ROBO1: variants seen among roughly 807,000 people sequenced by gnomAD.
The protein encoded by ROBO1 is roundabout homolog 1.
A neutral mutation model predicts 195.9 loss-of-function variants in ROBO1; 149 were observed. That is an observed-to-expected ratio of 0.76 (90% CI 0.67 to 0.87). The LOEUF (loss-of-function observed/expected upper bound fraction) is 0.87, where lower values mean the gene tolerates loss of function less well. Ranked by LOEUF, ROBO1 falls within the 40% of genes least tolerant of loss-of-function variation. The probability of loss-of-function intolerance (pLI) is 0.00; values close to 1 mark genes in which losing one functional copy is unlikely to be tolerated. For synonymous variants in ROBO1, 816 were observed against 733.2 expected, an observed-to-expected ratio of 1.11 and a Z score of -1.82; for missense variants, 1,933 against 2,068.3, an observed-to-expected ratio of 0.93 and a Z score of 1.27.
At chr3:79,126,175 C>A (rs1372626510) in intron 2 of ROBO1, among the ~76,000 whole-genome samples, 2 of 152,152 alleles carry the variant, frequency 1.3e-5, no homozygotes, top group Non-Finnish European at 2.9e-5. Context: ...GCAATGAATG[C>A]ATGACTGAAA....
intron 2 of ROBO1, among the ~76,000 whole-genome samples, chr3:79,474,178 A>G (rs967912301): frequency 6.6e-6 from 1 of 152,140 alleles, no homozygotes. Context: ...CCATTTAGAT[A>G]TCTGTAGTAA....
At chr3:79,641,257 A>G (rs1325201209) in intron 1 of ROBO1, among the ~76,000 whole-genome samples, 1 of 152,178 alleles carries the variant, frequency 6.6e-6, no homozygotes, top group African/African-American at 2.4e-5. Context: ...TTACTAATCA[A>G]AATCTGATTT....
chr3:78,948,122 T>G (rs897628572), intron 3 of ROBO1, among the ~76,000 whole-genome samples: 24 of 152,168 alleles, frequency 1.6e-4, no homozygotes, highest in Middle Eastern at 3.4e-3. Context: ...CATTCCTTCT[T>G]AAACTATTCC....
chr3:78,783,541 A>G (rs1334276451), intron 4 of ROBO1, among the ~76,000 whole-genome samples: 1 of 152,146 alleles, frequency 6.6e-6, no homozygotes. Context: ...AGATTCTAAA[A>G]CGCTATTTTA....
intron 1 of ROBO1, among the ~76,000 whole-genome samples, chr3:79,680,977 G>A (rs1264380615): frequency 6.6e-6 from 1 of 151,926 alleles, no homozygotes; most frequent in Non-Finnish European, 1.5e-5. Context: ...CTGGAACATA[G>A]TGATTGAGTG....
intron 9 of ROBO1, among the ~76,000 whole-genome samples, chr3:78,687,619 C>T (rs111273063): frequency 6.6e-6 from 1 of 151,976 alleles, no homozygotes; most frequent in South Asian, 2.1e-4. Flanking sequence ...ACAAGGGAAA[C>T]GTTCTGTTTT....
At chr3:78,757,260 A>G (rs1201420012) in intron 4 of ROBO1, among the ~76,000 whole-genome samples, 1 of 152,202 alleles carries the variant, frequency 6.6e-6, no homozygotes, top group Non-Finnish European at 1.5e-5. Flanking sequence ...GCAAATGAGG[A>G]CACATAGGTG....
At chr3:78,962,260 T>C (rs1392000122) in intron 3 of ROBO1, among the ~76,000 whole-genome samples, 1 of 152,206 alleles carries the variant, frequency 6.6e-6, no homozygotes, top group Non-Finnish European at 1.5e-5. Flanking sequence ...AAAGTGCCTG[T>C]GAATCTTGAA....
intron 3 of ROBO1, among the ~76,000 whole-genome samples, chr3:79,098,560 A>G (rs1204408686): frequency 3.3e-5 from 5 of 151,842 alleles, no homozygotes; most frequent in African/African-American, 1.2e-4. Flanking sequence ...GCATTTACTG[A>G]ATCTAGATGA....
intron 4 of ROBO1, among the ~76,000 whole-genome samples, chr3:78,844,158 C>T (rs1229458463): frequency 6.6e-6 from 1 of 152,004 alleles, no homozygotes; most frequent in Non-Finnish European, 1.5e-5. Flanking sequence ...TTAAAATTTG[C>T]TTTGTACCCT....
intron 4 of ROBO1, among the ~76,000 whole-genome samples, chr3:78,910,882 A>G (rs145268803): frequency 1.2e-4 from 19 of 152,120 alleles, no homozygotes; most frequent in African/African-American, 4.3e-4. Flanking sequence ...CATGGGCAAT[A>G]CTTGGGAACT....
At chr3:79,017,482 T>TGTGC (rs2077977567) in intron 3 of ROBO1, among the ~76,000 whole-genome samples, 1 of 151,494 alleles carries the variant, frequency 6.6e-6, no homozygotes, top group Admixed American at 6.6e-5. Context: ...TGTGTGTGTG[T>TGTGC]GTGTGTGTGT....
At chr3:79,543,950 A>G (rs754482900) in intron 2 of ROBO1, among the ~76,000 whole-genome samples, 5 of 152,098 alleles carry the variant, frequency 3.3e-5, no homozygotes, top group Admixed American at 3.3e-4. Flanking sequence ...AATAAGCAAA[A>G]ATGTTTAGAC....
At position 79,607,016 on chromosome 3, in the gene ROBO1, G is replaced by A. The variant is rs563392311; in HGVS notation, c.-50-17055C>T. ...CCTTACTGAGATTTCCGATAGCAAT[G>A]TCCTTAACCTATAATTAAGCATAAT... On this transcript the variant is annotated intron_variant, in intron 1 of 30. Coordinates refer to ENST00000464233, the MANE Select transcript of ROBO1 (RefSeq NM_002941.4). Among the ~76,000 whole-genome samples the A allele has an allele frequency of 5.3e-5, 8 of 151,080 alleles. No individual in the cohort carries two copies. In the Admixed American group the frequency reaches 5.3e-4, roughly 10 times the overall value.
At chr3:79,470,544 G>C (rs1007265527) in intron 2 of ROBO1, among the ~76,000 whole-genome samples, 1 of 152,142 alleles carries the variant, frequency 6.6e-6, no homozygotes, top group Admixed American at 6.6e-5. Context: ...TAAGGGAATT[G>C]ATGTGGTTAG....
chr3:79,190,103 C>T (rs1576793058), intron 2 of ROBO1, among the ~76,000 whole-genome samples: 1 of 151,736 alleles, frequency 6.6e-6, no homozygotes, highest in African/African-American at 2.4e-5. Context: ...GCATCTGTAA[C>T]ATTTCTAATG....
intron 8 of ROBO1, among the ~76,000 whole-genome samples, chr3:78,705,505 A>G (rs1479980895): frequency 6.6e-6 from 1 of 152,214 alleles, no homozygotes; most frequent in African/African-American, 2.4e-5. Flanking sequence ...ACTGGTGTGT[A>G]TCAGGATGAG....
chr3:78,749,753 A>T (rs1008955106), intron 4 of ROBO1, among the ~76,000 whole-genome samples: 2 of 152,166 alleles, frequency 1.3e-5, no homozygotes, highest in Admixed American at 1.3e-4. Context: ...TGGCAGAAAA[A>T]CCAAAAGCAT....
chr3:78,735,336 G>A (rs868492423), intron 5 of ROBO1, among the ~76,000 whole-genome samples: 12 of 152,154 alleles, frequency 7.9e-5, no homozygotes, highest in African/African-American at 2.9e-4. Context: ...AGGCAAAGAA[G>A]ATATCATTAT....
Sources: allele counts gnomAD v4.1 joint callset (sites outside exome capture counted in the v4.1 genomes callset), GRCh38; gene constraint gnomAD v4.1.1; transcripts MANE v1.5; gene names NCBI Gene and HGNC (gene_info 2026-07-23, HGNC 2026-07-21).